ATP8A2: variants seen among roughly 807,000 people sequenced by gnomAD.
ATP8A2 encodes phospholipid-transporting ATPase IB.
A neutral mutation model predicts 165.6 loss-of-function variants in ATP8A2; 100 were observed. The ratio of observed to expected loss-of-function variants is 0.60; its 90% CI spans 0.51 to 0.71. The LOEUF is 0.71. ATP8A2 is among the 30% of genes least tolerant of loss of function. The pLI is 0.00. For synonymous variants in ATP8A2, 543 were observed against 548.8 expected (o/e 0.99, Z 0.15); for missense variants, 1,227 against 1,479.5 (o/e 0.83, Z 2.80).
At chr13:25,555,389 G>A (rs1017006215) in intron 13 of ATP8A2, among the ~76,000 whole-genome samples, 2 of 152,092 alleles carry the variant, frequency 1.3e-5, no homozygotes, top group Non-Finnish European at 2.9e-5. Flanking sequence ...GAAAACGATG[G>A]CTGAGATACT....
intron 24 of ATP8A2, among the ~76,000 whole-genome samples, chr13:25,614,874 C>A (rs1465524290): frequency 6.6e-6 from 1 of 152,216 alleles, no homozygotes; most frequent in Non-Finnish European, 1.5e-5. Flanking sequence ...GTCTCTCAGC[C>A]ATGGATACCA....
intron 25 of ATP8A2, among the ~76,000 whole-genome samples, chr13:25,749,442 G>A (rs567083141): frequency 2.0e-5 from 3 of 152,316 alleles, no homozygotes; most frequent in East Asian, 1.9e-4. Flanking sequence ...GTCCAGATGC[G>A]AGGGAGTTTG....
intron 24 of ATP8A2, among the ~76,000 whole-genome samples, chr13:25,681,681 T>C (rs770104356): frequency 6.6e-6 from 1 of 152,200 alleles, no homozygotes; most frequent in Non-Finnish European, 1.5e-5. Context: ...GTTTCCTCCT[T>C]CTTAGATATG....
intron 35 of ATP8A2, among the ~76,000 whole-genome samples, chr13:26,009,386 T>C (rs76798657): frequency 8.5e-5 from 13 of 152,326 alleles, no homozygotes; most frequent in Admixed American, 1.3e-4. Flanking sequence ...CTCTCCATGC[T>C]TCAGAACCCC....
intron 33 of ATP8A2, among the ~76,000 whole-genome samples, chr13:25,913,382 A>T (rs2139001413): frequency 6.6e-6 from 1 of 152,360 alleles, no homozygotes; most frequent in South Asian, 2.1e-4. Flanking sequence ...AATATAACAA[A>T]ATTCAGATAC....
intron 30 of ATP8A2, among the ~76,000 whole-genome samples, chr13:25,846,265 A>T (rs1951862604): frequency 1.3e-5 from 2 of 152,202 alleles, no homozygotes; most frequent in Admixed American, 6.5e-5. Flanking sequence ...TTAATAGAGG[A>T]GTTCCCACCC....
chr13:25,861,842 T>A (rs1014885357), intron 32 of ATP8A2, among the ~76,000 whole-genome samples: 1 of 152,186 alleles, frequency 6.6e-6, no homozygotes, highest in South Asian at 2.1e-4. Context: ...AGAGGCAATA[T>A]CCATTTCAGA....
chr13:25,550,980 C>T (rs2038804177), intron 10 of ATP8A2, among the ~76,000 whole-genome samples: 1 of 152,104 alleles, frequency 6.6e-6, no homozygotes, highest in Non-Finnish European at 1.5e-5. Context: ...GTCTAAGTTT[C>T]TCTTGAATTA....
chr13:25,448,253 A>G (rs1305095215), intron 1 of ATP8A2, among the ~76,000 whole-genome samples: 1 of 152,226 alleles, frequency 6.6e-6, no homozygotes, highest in Non-Finnish European at 1.5e-5. Context: ...ATTGTTAACT[A>G]TAGTCACCCT....
rs755015092 is a variant in ATP8A2 at position 26,020,035 on chromosome 13, C to A, written c.*50C>A. On this transcript the variant is annotated 3_prime_UTR_variant, in exon 37 of 37. Transcript: ENST00000381655. Reference sequence around the variant, plus strand: ...TAGGAAAGAGATTCAGTTTGTTGCACCCAGTGTTAACACATCTTTGTCAGA... The same window carrying A: ...TAGGAAAGAGATTCAGTTTGTTGCAACCAGTGTTAACACATCTTTGTCAGA... 1 of 1,338,598 alleles carries A rather than the reference C, an allele frequency of 7.5e-7. No homozygotes were observed. The highest frequency in any genetic ancestry group is 1.1e-6 in the Non-Finnish European group (1 of 931,906). The allele number at this position is 1,338,598 out of a possible 1,614,324, so 82.9% of individuals were successfully genotyped here. A position where few individuals can be genotyped will look rare whatever the true frequency, so the allele number is the denominator to read the frequency against.
At chr13:25,425,272 T>G (rs568365721) in intron 1 of ATP8A2, among the ~76,000 whole-genome samples, 101 of 152,190 alleles carry the variant, frequency 6.6e-4, no homozygotes, top group African/African-American at 2.3e-3. Context: ...TTACAGTGCC[T>G]CCAACTACTG....
chr13:25,987,239 G>T (rs1261147513), intron 35 of ATP8A2, among the ~76,000 whole-genome samples: 2 of 152,318 alleles, frequency 1.3e-5, no homozygotes, highest in Admixed American at 1.3e-4. Context: ...CACTGACTGT[G>T]AGGTACCAAG....
chr13:25,535,499 A>G (rs1054408944), intron 6 of ATP8A2, among the ~76,000 whole-genome samples: 1 of 152,124 alleles, frequency 6.6e-6, no homozygotes, highest in African/African-American at 2.4e-5. Context: ...TTGCACACAC[A>G]AGGAACAATC....
chr13:25,387,436 T>C (rs1319268011), intron 1 of ATP8A2, among the ~76,000 whole-genome samples: 1 of 152,156 alleles, frequency 6.6e-6, no homozygotes, highest in East Asian at 1.9e-4. Context: ...ATTTCGGGTG[T>C]TGGGCTGAGC....
At chr13:25,985,564 T>C (rs1593672541) in intron 35 of ATP8A2, among the ~76,000 whole-genome samples, 1 of 152,202 alleles carries the variant, frequency 6.6e-6, no homozygotes, top group African/African-American at 2.4e-5. Context: ...GGTCGATCAA[T>C]CCCCAGCCAG....
intron 33 of ATP8A2, among the ~76,000 whole-genome samples, chr13:25,914,030 G>A (rs937267520): frequency 2.0e-4 from 30 of 152,136 alleles, no homozygotes; most frequent in African/African-American, 5.8e-4. Context: ...AGACACTCTC[G>A]TCATCATCTC....
At chr13:25,921,638 A>G (rs1308008773) in intron 33 of ATP8A2, among the ~76,000 whole-genome samples, 2 of 141,228 alleles carry the variant, frequency 1.4e-5, no homozygotes, top group Non-Finnish European at 3.1e-5. Flanking sequence ...AAAAAAAAAA[A>G]GAAAAAAACT....
chr13:25,887,445 T>A (rs562748296), intron 33 of ATP8A2, among the ~76,000 whole-genome samples: 1 of 152,222 alleles, frequency 6.6e-6, no homozygotes, highest in Non-Finnish European at 1.5e-5. Context: ...TTCAAGCGAT[T>A]CTCTTGCCTC....
intron 1 of ATP8A2, among the ~76,000 whole-genome samples, chr13:25,429,981 A>C (rs1480838489): frequency 6.6e-6 from 1 of 152,152 alleles, no homozygotes; most frequent in Non-Finnish European, 1.5e-5. Context: ...TTGGCAGTGA[A>C]ACAAGGAAGG....
Sources: allele counts gnomAD v4.1 joint callset (sites outside exome capture counted in the v4.1 genomes callset), GRCh38; gene constraint gnomAD v4.1.1; transcripts MANE v1.5; gene names NCBI Gene and HGNC (gene_info 2026-07-23, HGNC 2026-07-21).